SLC8A1: variants seen among roughly 807,000 people sequenced by gnomAD.
SLC8A1 encodes sodium/calcium exchanger 1.
SLC8A1 carries 18 observed loss-of-function variants against 68.3 expected under a neutral mutation model. The ratio of observed to expected loss-of-function variants is 0.26; its 90% CI spans 0.18 to 0.39. SLC8A1 has a LOEUF of 0.39. Ranked by LOEUF, SLC8A1 falls within the 10% of genes least tolerant of loss-of-function variation. The pLI is 1.00. For synonymous variants in SLC8A1, 475 were observed against 415.5 expected (o/e 1.14, Z -1.74); for missense variants, 985 against 1,156.7 (o/e 0.85, Z 2.15).
intron 2 of SLC8A1, among the ~76,000 whole-genome samples, chr2:40,328,293 A>G: frequency 6.6e-6 from 1 of 152,162 alleles, no homozygotes; most frequent in East Asian, 1.9e-4. Context: ...CATTATTAGT[A>G]ATAGTTATTC....
At chr2:40,323,657 A>C (rs984068387) in intron 2 of SLC8A1, among the ~76,000 whole-genome samples, 6 of 152,182 alleles carry the variant, frequency 3.9e-5, no homozygotes, top group African/African-American at 1.4e-4. Context: ...GCTGCAACTC[A>C]ATGATTATCT....
At chr2:40,507,410 AT>A (rs1321672875) in intron 1 of SLC8A1, among the ~76,000 whole-genome samples, 1 of 152,052 alleles carries the variant, frequency 6.6e-6, no homozygotes, top group Non-Finnish European at 1.5e-5. Flanking sequence ...CATAAAGAGC[AT>A]TTAATGTTAT....
chr2:40,511,410 A>G (rs1267784750), intron 1 of SLC8A1, among the ~76,000 whole-genome samples: 1 of 152,182 alleles, frequency 6.6e-6, no homozygotes, highest in African/African-American at 2.4e-5. Flanking sequence ...GATATGCTTT[A>G]ATTTAATAAC....
intron 2 of SLC8A1, among the ~76,000 whole-genome samples, chr2:40,223,424 G>A (rs910847737): frequency 6.6e-6 from 1 of 152,012 alleles, no homozygotes; most frequent in Admixed American, 6.6e-5. Flanking sequence ...CAGATGACGG[G>A]TTGATGGGTA....
intron 2 of SLC8A1, among the ~76,000 whole-genome samples, chr2:40,213,791 C>G (rs368919332): frequency 4.3e-4 from 65 of 152,312 alleles, no homozygotes; most frequent in African/African-American, 1.5e-3. Context: ...CACTGCCAAG[C>G]CTTTCTTCTG....
At chr2:40,468,807 G>T (rs141088541) in intron 1 of SLC8A1, among the ~76,000 whole-genome samples, 92 of 152,088 alleles carry the variant, frequency 6.0e-4, no homozygotes, top group Non-Finnish European at 1.0e-3. Context: ...TGGGTGTGGT[G>T]GCTCACGACT....
At chr2:40,341,095 C>A (rs888599481) in intron 2 of SLC8A1, among the ~76,000 whole-genome samples, 1 of 152,100 alleles carries the variant, frequency 6.6e-6, no homozygotes, top group South Asian at 2.1e-4. Flanking sequence ...TGTTTCCCAA[C>A]CAGAAAGTAA....
intron 2 of SLC8A1, among the ~76,000 whole-genome samples, chr2:40,415,901 C>CTT (rs1693704066): frequency 7.1e-6 from 1 of 140,570 alleles, no homozygotes; most frequent in Admixed American, 7.5e-5. Context: ...CACACACACA[C>CTT]ACACACACAC....
Position 40,379,161 on chromosome 2 carries a change from G to C in SLC8A1, c.1808+49312C>G, listed in dbSNP as rs557958604. 1.1e-4 allele frequency among the ~76,000 whole-genome samples: 17 copies of C among 152,130 alleles called. No homozygotes were observed. The South Asian group carries it at 3.3e-3, about 30-fold the overall frequency. The stretch of plus-strand genomic sequence containing the variant: ...TCCCCATGGTTATTTACTCCACTTG[G>C]AAAGCTTGTTAAAACATGAATTACT... On this transcript the variant is annotated intron_variant, in intron 2 of 7. Transcript: ENST00000406785.
At chr2:40,466,172 T>C (rs116726680) in intron 1 of SLC8A1, among the ~76,000 whole-genome samples, 150 of 152,300 alleles carry the variant, frequency 9.8e-4, no homozygotes, top group African/African-American at 3.4e-3. Context: ...AAGGAATTGA[T>C]ACCCTCACAT....
At chr2:40,335,478 G>A (rs904044987) in intron 2 of SLC8A1, among the ~76,000 whole-genome samples, 4 of 152,174 alleles carry the variant, frequency 2.6e-5, no homozygotes, top group Non-Finnish European at 5.9e-5. Flanking sequence ...TTAAAACTGT[G>A]AATACTGTGT....
rs977623784 is a variant in SLC8A1, at chr2:40,100,011, A to C, written c.*15242T>G. On this transcript the variant is annotated 3_prime_UTR_variant, in exon 8 of 8. Transcript: ENST00000406785. ...GAGCTTCCTACTGTCTGTAAAAATT[A>C]ATAGATGGAACCCAGGCAAGTCCTG... 7 of 152,126 alleles carry C rather than the reference A, an allele frequency of 4.6e-5. No individual in the cohort carries two copies. The East Asian group carries it at 1.3e-3, about 29-fold the overall frequency. 9.4% of individuals were successfully genotyped at this position (152,126 alleles called of 1,614,324 possible). A position where few individuals can be genotyped will look rare whatever the true frequency, so the allele number is the denominator to read the frequency against.
intron 2 of SLC8A1, among the ~76,000 whole-genome samples, chr2:40,215,147 A>C (rs1052643456): frequency 2.0e-5 from 3 of 152,150 alleles, no homozygotes; most frequent in Non-Finnish European, 2.9e-5. Flanking sequence ...GAAAGAGCTC[A>C]ATATATGCTA....
chr2:40,288,252 T>C (rs181947029), intron 2 of SLC8A1, among the ~76,000 whole-genome samples: 1 of 152,288 alleles, frequency 6.6e-6, no homozygotes, highest in East Asian at 1.9e-4. Flanking sequence ...AAAATCAACT[T>C]TTCACCTGCT....
intron 2 of SLC8A1, among the ~76,000 whole-genome samples, chr2:40,259,256 A>T (rs542165647): frequency 6.6e-6 from 1 of 150,728 alleles, no homozygotes; most frequent in African/African-American, 2.4e-5. Context: ...GAGATAATAG[A>T]AGCCTTCCAT....
chr2:40,368,690 C>T (rs1677038860), intron 2 of SLC8A1, among the ~76,000 whole-genome samples: 1 of 151,808 alleles, frequency 6.6e-6, no homozygotes, highest in Non-Finnish European at 1.5e-5. Flanking sequence ...ATTTGAAAAC[C>T]CAGGTTAAGC....
chr2:40,159,308 G>A (rs946034382), intron 6 of SLC8A1, among the ~76,000 whole-genome samples: 1 of 152,192 alleles, frequency 6.6e-6, no homozygotes, highest in Admixed American at 6.5e-5. Flanking sequence ...TCGCTGTCAT[G>A]TGCCTTGCAC....
intron 2 of SLC8A1, among the ~76,000 whole-genome samples, chr2:40,260,729 A>C (rs1021354079): frequency 1.3e-5 from 2 of 152,020 alleles, no homozygotes; most frequent in African/African-American, 4.8e-5. Context: ...AAGATAAGAA[A>C]ATGTGTATGT....
chr2:40,448,679 A>G (rs1701886063), intron 1 of SLC8A1, among the ~76,000 whole-genome samples: 1 of 152,156 alleles, frequency 6.6e-6, no homozygotes, highest in Non-Finnish European at 1.5e-5. Context: ...TTGCCACAAG[A>G]GGGAGCAGTA....
Sources: gnomAD v4.1 joint callset for allele counts (sites outside exome capture counted in the v4.1 genomes callset) on GRCh38, gnomAD v4.1.1 for gene constraint, MANE v1.5 for transcripts, NCBI Gene and HGNC (gene_info 2026-07-23, HGNC 2026-07-21) for gene names.